The following GOSR2 variants were observed in gnomAD, a reference collection of about 807,000 sequenced individuals.
The protein encoded by GOSR2 is golgi SNAP receptor complex member 2.
A neutral mutation model predicts 27.9 loss-of-function variants in GOSR2; 20 were observed. The observed-to-expected ratio is 0.72, with a 90% CI of 0.50 to 1.04. GOSR2 has a LOEUF of 1.04. Among genes scored for constraint, GOSR2 ranks in the 50% least tolerant of loss-of-function variants. The pLI is 0.00. For missense variants in GOSR2, 261 were observed against 270.5 expected (o/e 0.97, Z 0.25); for synonymous variants, 91 against 98.8 (o/e 0.92, Z 0.47).
At position 46,933,631 on chromosome 17, in the gene GOSR2, C is replaced by CTTTTTTTTTTTTTTTT. The variant is rs5820637; in HGVS notation, c.337-1384_337-1383insTTTTTTTTTTTTTTTT. 299 of 134,624 alleles carry CTTTTTTTTTTTTTTTT rather than the reference C, an allele frequency of 2.2e-3. 8 individuals carry two copies. The highest frequency in any genetic ancestry group is 8.4e-3 in the African/African-American group (292 of 34,876). The allele number at this position is 134,624 out of a possible 1,614,324, so 8.3% of individuals were successfully genotyped here. A position where few individuals can be genotyped will look rare whatever the true frequency, so the allele number is the denominator to read the frequency against. Reference sequence around the variant, plus strand: ...AGCAGCAAAGAAACAGTGGCATAACCTTTTTTTTTTTTTTGGACAATTGAA... The same window carrying CTTTTTTTTTTTTTTTT: ...AGCAGCAAAGAAACAGTGGCATAACCTTTTTTTTTTTTTTTTTTTTTTTTTTTTTTGGACAATTGAA... On this transcript the variant is annotated intron_variant, in intron 4 of 5. Coordinates refer to ENST00000640051, the MANE Select transcript of GOSR2 (RefSeq NM_004287.5).
chr17:46,924,235 T>C (rs1422566795), intron 1 of GOSR2: 1 of 181,328 alleles, frequency 5.5e-6, no homozygotes, highest in African/African-American at 2.3e-5. Context: ...CTTTTGTATC[T>C]GGCTTATTTC....
At chr17:46,923,257 G>T in intron 1 of GOSR2, 36 bp downstream of exon 1, 1 of 1,550,692 alleles carries the variant, frequency 6.4e-7, no homozygotes, top group Non-Finnish European at 8.7e-7. Context: ...GGGGCTAGAC[G>T]AGGCGAGGCC....
Position 46,935,040 on chromosome 17 carries a change from C to T in GOSR2, c.348C>T (p.Thr116=), listed in dbSNP as rs781240194. The stretch of plus-strand genomic sequence containing the variant: ...TGTTTCTTTCACAGGACTCTGACAC[C>T]ACCATACCAATGGACGAATCACTGC... ...SRTFTTNDSD[T]TIPMDESLQF... Residue 116 remains threonine, a synonymous_variant, in exon 5 of 6, where the codon ACC becomes ACT. Coordinates refer to ENST00000640051, the MANE Select transcript of GOSR2 (RefSeq NM_004287.5). 2 of 1,612,872 alleles carry T rather than the reference C, an allele frequency of 1.2e-6. No homozygotes were observed. Among genetic ancestry groups the T allele is most frequent in the South Asian group, 1.1e-5 (1 of 91,046 alleles).
At chr17:46,946,164 G>A (rs976917619), downstream of GOSR2, among the ~76,000 whole-genome samples, 5 of 151,864 alleles carry the variant, frequency 3.3e-5, no homozygotes, top group Non-Finnish European at 1.5e-5. Flanking sequence ...GGCTGGGCGC[G>A]GTGTCTCATG....
At chr17:46,942,691 T>C (rs2089435720), downstream of GOSR2, among the ~76,000 whole-genome samples, 1 of 152,246 alleles carries the variant, frequency 6.6e-6, no homozygotes, top group African/African-American at 2.4e-5. Context: ...AAAGCTGTCC[T>C]CAGGCCTTGC....
chr17:46,974,748 A>G lies in GOSR2; in HGVS notation c.616-451A>G, dbSNP rs56334303. Among the ~76,000 whole-genome samples the G allele has an allele frequency of 1.2e-3, 173 of 147,150 alleles. 3 individuals carry two copies. The highest frequency in any genetic ancestry group is 1.2e-3 in the Non-Finnish European group (78 of 66,788). On this transcript the variant is annotated intron_variant, in intron 6 of 6. Transcript: ENST00000640723. ...GACTCTCTCTCAAAAAAAAAAAAAAAAGGTCATCTCAAGTGAAACTGATTT... is the reference window on the plus strand; with the variant it reads ...GACTCTCTCTCAAAAAAAAAAAAAAGAGGTCATCTCAAGTGAAACTGATTT...
chr17:46,974,236 G>A (rs972481976), intron 6 of GOSR2, among the ~76,000 whole-genome samples: 1 of 152,220 alleles, frequency 6.6e-6, no homozygotes, highest in African/African-American at 2.4e-5. Flanking sequence ...TTTCTGGGGC[G>A]CTGGCCAGGG....
downstream of GOSR2, among the ~76,000 whole-genome samples, chr17:46,946,172 A>T (rs2089849688): frequency 6.6e-6 from 1 of 151,700 alleles, no homozygotes; most frequent in African/African-American, 2.4e-5. Context: ...GCGGTGTCTC[A>T]TGCCTGTAAT....
At chr17:46,932,725 G>T in intron 4 of GOSR2, 1 of 195,438 alleles carries the variant, frequency 5.1e-6, no homozygotes, top group South Asian at 1.0e-4. Flanking sequence ...GTCTGAAAGT[G>T]TGTTGGTTTG....
chr17:46,967,814 G>T (rs550431311), downstream of GOSR2, among the ~76,000 whole-genome samples: 4 of 152,232 alleles, frequency 2.6e-5, no homozygotes, highest in African/African-American at 9.6e-5. Context: ...GGCAGTGAAG[G>T]AAAGATAAAG....
Position 46,940,102 on chromosome 17 carries a change from C to T in GOSR2, c.*1342C>T. ...TCTTCTGTCTTATTTCCCTTCCTTTCTGTGTTCCTCTTCACCTCTCTTGTT... is the reference window on the plus strand; with the variant it reads ...TCTTCTGTCTTATTTCCCTTCCTTTTTGTGTTCCTCTTCACCTCTCTTGTT... On this transcript the variant is annotated 3_prime_UTR_variant, in exon 6 of 6. Coordinates refer to ENST00000640051, the MANE Select transcript of GOSR2 (RefSeq NM_004287.5). The T allele has an allele frequency of 8.6e-7, 1 of 1,164,002 alleles. No homozygotes were observed. Among genetic ancestry groups the T allele is most frequent in the Non-Finnish European group, 1.1e-6 (1 of 940,560 alleles). The allele number at this position is 1,164,002 out of a possible 1,614,324, so 72.1% of individuals were successfully genotyped here.
chr17:46,930,981 C>T, intron 2 of GOSR2, 118 bp from the exon 3 acceptor site: 1 of 694,942 alleles, frequency 1.4e-6, no homozygotes, highest in Non-Finnish European at 2.6e-6. Flanking sequence ...CATTTTTCTC[C>T]TTTTGAAATA....
downstream of GOSR2, among the ~76,000 whole-genome samples, chr17:46,944,259 T>G (rs2089631125): frequency 6.6e-6 from 1 of 152,226 alleles, no homozygotes; most frequent in Non-Finnish European, 1.5e-5. Context: ...CTCCGCAGTT[T>G]GCACTGGTTA....
chr17:46,966,684 TC>T lies in GOSR2; in HGVS notation c.735del (p.Trp246GlyfsTer6). 1.9e-6 allele frequency: 1 copy of T among 527,214 alleles called. No homozygotes were observed. Among genetic ancestry groups the T allele is most frequent in the Non-Finnish European group, 3.4e-6 (1 of 295,088 alleles). The allele number at this position is 527,214 out of a possible 1,614,324, so 32.7% of individuals were successfully genotyped here. ...TTTGAACTCAGGCTTGGATTTGAAC[TC>T]TGGTTCTATCAACTATTAGCTGTGA... On this transcript the variant is annotated frameshift_variant, in exon 7 of 7. Transcript: ENST00000573224. LOFTEE classifies it high-confidence loss of function.
chr17:46,961,336 G>T (rs2091037916), intron 6 of GOSR2, among the ~76,000 whole-genome samples: 1 of 152,094 alleles, frequency 6.6e-6, no homozygotes, highest in Admixed American at 6.6e-5. Flanking sequence ...CCTAGAGTTC[G>T]GGACTAGCCT....
At position 46,939,132 on chromosome 17, in the gene GOSR2, T is replaced by C; in HGVS notation, c.*372T>C. ...CAGGACTGTCCACACGGTTCACACC[T>C]TGTCACCATCAGGCCTTTCTGGCTC... On this transcript the variant is annotated 3_prime_UTR_variant, in exon 6 of 6. Transcript: ENST00000640051. The C allele has an allele frequency of 3.5e-6, 4 of 1,135,926 alleles. No homozygotes were observed. Among genetic ancestry groups the C allele is most frequent in the South Asian group, 2.1e-5 (1 of 47,614 alleles). The allele number at this position is 1,135,926 out of a possible 1,614,324, so 70.4% of individuals were successfully genotyped here. A position where few individuals can be genotyped will look rare whatever the true frequency, so the allele number is the denominator to read the frequency against.
At chr17:46,927,742 G>A (rs1290579982) in intron 1 of GOSR2, among the ~76,000 whole-genome samples, 1 of 152,060 alleles carries the variant, frequency 6.6e-6, no homozygotes, top group African/African-American at 2.4e-5. Flanking sequence ...CTGCACTGCC[G>A]CCATATTGTT....
At chr17:46,945,002 A>T (rs1462086839), downstream of GOSR2, among the ~76,000 whole-genome samples, 1 of 152,196 alleles carries the variant, frequency 6.6e-6, no homozygotes, top group African/African-American at 2.4e-5. Context: ...GTTCAGCTGG[A>T]AAGACAGGAT....
chr17:46,974,832 G>T lies in GOSR2; in HGVS notation c.616-367G>T, dbSNP rs2091431111. 6.6e-5 allele frequency among the ~76,000 whole-genome samples: 10 copies of T among 152,166 alleles called. No individual in the cohort carries two copies. In the South Asian group the frequency reaches 2.1e-3, roughly 32 times the overall value. On this transcript the variant is annotated intron_variant, in intron 6 of 6. Transcript: ENST00000640723. ...CCTCAGGCAACCTCTTGGAGCCTCA[G>T]TTTCCTCATCTGTACAATGGGAGGA...
Sources: gnomAD v4.1 joint callset for allele counts (sites outside exome capture counted in the v4.1 genomes callset) on GRCh38, gnomAD v4.1.1 for gene constraint, MANE v1.5 for transcripts, NCBI Gene and HGNC (gene_info 2026-07-23, HGNC 2026-07-21) for gene names.